The following C11orf65 variants were observed in gnomAD, a reference collection of about 807,000 sequenced individuals.
C11orf65 encodes the protein protein MFI.
In C11orf65, 38 loss-of-function variants were observed where a neutral mutation model predicts 35.3. The ratio of observed to expected loss-of-function variants is 1.08; its 90% CI spans 0.83 to 1.41. The LOEUF is 1.41. Ranked by LOEUF, C11orf65 falls within the 40% of genes most tolerant of loss-of-function variation. The pLI is 0.00. For synonymous variants in C11orf65, 105 were observed against 114.4 expected (o/e 0.92, Z 0.53); for missense variants, 370 against 367.1 (o/e 1.01, Z -0.06).
intron 2 of C11orf65, among the ~76,000 whole-genome samples, chr11:108,459,812 G>A (rs891336518): frequency 6.6e-6 from 1 of 151,078 alleles, no homozygotes; most frequent in Admixed American, 6.6e-5. Context: ...TCCTTCAAGG[G>A]CAAGGATGTA....
At chr11:108,310,601 C>G (rs1177233075) in intron 6 of C11orf65, among the ~76,000 whole-genome samples, 1 of 151,908 alleles carries the variant, frequency 6.6e-6, no homozygotes, top group African/African-American at 2.4e-5. Flanking sequence ...CCATAATAGC[C>G]CTAGCATTGA....
At chr11:108,437,196 A>G (rs1444702438) in intron 2 of C11orf65, among the ~76,000 whole-genome samples, 1 of 151,332 alleles carries the variant, frequency 6.6e-6, no homozygotes, top group Non-Finnish European at 1.5e-5. Flanking sequence ...TTGAGGTAGG[A>G]GGATCACTTG....
At chr11:108,409,164 G>A (rs1001821983) in intron 3 of C11orf65, among the ~76,000 whole-genome samples, 5 of 152,112 alleles carry the variant, frequency 3.3e-5, no homozygotes. Context: ...GTATGTAGTT[G>A]TAGATAGCAG....
intron 6 of C11orf65, among the ~76,000 whole-genome samples, chr11:108,313,766 T>C (rs1189072603): frequency 6.6e-6 from 1 of 152,242 alleles, no homozygotes; most frequent in Admixed American, 6.5e-5. Context: ...TATAGAATTA[T>C]GCCAATATAA....
chr11:108,410,485 CT>C (rs2092634457), intron 3 of C11orf65, among the ~76,000 whole-genome samples: 1 of 152,094 alleles, frequency 6.6e-6, no homozygotes. Flanking sequence ...TTCCAAGTAG[CT>C]GGGACTAAAG....
intron 3 of C11orf65, among the ~76,000 whole-genome samples, chr11:108,422,842 AT>A (rs1329217210): frequency 5.3e-5 from 8 of 151,432 alleles, no homozygotes; most frequent in Non-Finnish European, 1.5e-5. Context: ...AGATCGCACC[AT>A]GGGACTCCAG....
At chr11:108,313,989 A>G (rs944048063) in intron 6 of C11orf65, among the ~76,000 whole-genome samples, 2 of 152,226 alleles carry the variant, frequency 1.3e-5, no homozygotes, top group African/African-American at 4.8e-5. Flanking sequence ...TACTTTATCC[A>G]TATCAAATTT....
At chr11:108,336,723 A>T (rs1320470769) in intron 2 of C11orf65, among the ~76,000 whole-genome samples, 1 of 152,228 alleles carries the variant, frequency 6.6e-6, no homozygotes, top group Non-Finnish European at 1.5e-5. Flanking sequence ...TGCATCTGTA[A>T]TCTGGTACAT....
At position 108,335,224 on chromosome 11, in the gene C11orf65, G is replaced by A. The variant is rs113965980; in HGVS notation, c.296C>T (p.Ser99Leu). 2.5e-6 allele frequency: 4 copies of A among 1,569,218 alleles called. No individual in the cohort carries two copies. The African/African-American group carries it at 5.4e-5, about 21-fold the overall frequency. The change falls in exon 3 of 4, where the codon TCA becomes TTA. Residue 99 changes from serine to leucine, a missense_variant. Physicochemically the swap from Ser to Leu is moderately radical, Grantham distance 145. Transcript: ENST00000524755. Reference sequence around the variant, plus strand: ...GTCTTTATTTTGAATACTTACAAATGAGGAAGATTTGTAGAGTAGAAATGC... The same window carrying A: ...GTCTTTATTTTGAATACTTACAAATAAGGAAGATTTGTAGAGTAGAAATGC...
chr11:108,326,149 G>T (rs1555119899), intron 6 of C11orf65: 1 of 1,613,944 alleles, frequency 6.2e-7, no homozygotes, highest in East Asian at 2.2e-5. Flanking sequence ...CAAGTATTCT[G>T]GGCAAAAAAG....
chr11:108,459,039 T>A (rs1050486361), intron 2 of C11orf65, among the ~76,000 whole-genome samples: 1 of 152,190 alleles, frequency 6.6e-6, no homozygotes, highest in Non-Finnish European at 1.5e-5. Context: ...GTGGGAAAAT[T>A]GCCTGGGGGC....
chr11:108,360,262 T>C lies in C11orf65; in HGVS notation c.227-24970A>G, dbSNP rs1000098120. Among the ~76,000 whole-genome samples the C allele has an allele frequency of 1.0e-3, 108 of 107,824 alleles. 1 individual carries two copies. The highest frequency in any genetic ancestry group is 2.9e-3 in the African/African-American group (102 of 35,054). The allele number at this position is 107,824 out of a possible 152,430, so 70.7% of individuals were successfully genotyped here. Reference sequence around the variant, plus strand: ...CTAAACCAGGAAGAAGTTGAATCTCTGAATAGACCAGTAACAGGAGCTGAA... The same window carrying C: ...CTAAACCAGGAAGAAGTTGAATCTCCGAATAGACCAGTAACAGGAGCTGAA... On this transcript the variant is annotated intron_variant, in intron 2 of 3. Coordinates refer to the C11orf65 transcript ENST00000524755.
At chr11:108,416,406 G>T (rs1365310837) in intron 3 of C11orf65, among the ~76,000 whole-genome samples, 1 of 152,192 alleles carries the variant, frequency 6.6e-6, no homozygotes, top group African/African-American at 2.4e-5. Context: ...GAGGGCCCGG[G>T]CATGGTGGCT....
chr11:108,428,751 T>A (rs1026277840), intron 3 of C11orf65, among the ~76,000 whole-genome samples: 2 of 152,194 alleles, frequency 1.3e-5, no homozygotes, highest in Non-Finnish European at 2.9e-5. Context: ...CCATGGTACA[T>A]GTATACCTAT....
At chr11:108,372,118 T>C (rs2091589879) in intron 2 of C11orf65, among the ~76,000 whole-genome samples, 1 of 152,256 alleles carries the variant, frequency 6.6e-6, no homozygotes, top group African/African-American at 2.4e-5. Flanking sequence ...AAATGTTCCC[T>C]ACTGTAGTGT....
chr11:108,329,221 TAA>T (rs1060501525), downstream of C11orf65: 1 of 1,613,348 alleles, frequency 6.2e-7, no homozygotes, highest in Non-Finnish European at 8.5e-7. Context: ...TTAGGGAACA[TAA>T]AATTCAGACA....
In C11orf65 at chr11:108,405,565, G is replaced by C; in HGVS notation, c.430-6C>G. 3 of 1,609,376 alleles carry C rather than the reference G, an allele frequency of 1.9e-6. No homozygotes were observed. Among genetic ancestry groups the C allele is most frequent in the African/African-American group, 1.3e-5 (1 of 74,738 alleles). Reference sequence around the variant, plus strand: ...CCATCAGTAGATAGCCAAAACTATTGAGAAACAAAAATGAACATACAAAAT... The same window carrying C: ...CCATCAGTAGATAGCCAAAACTATTCAGAAACAAAAATGAACATACAAAAT... On this transcript the variant is annotated splice_polypyrimidine_tract_variant and splice_region_variant and intron_variant, in intron 5 of 8. Coordinates refer to ENST00000393084, the MANE Select transcript of C11orf65 (RefSeq NM_152587.5).
chr11:108,389,055 T>TA (rs1300881270), intron 7 of C11orf65, among the ~76,000 whole-genome samples: 1 of 152,270 alleles, frequency 6.6e-6, no homozygotes, highest in Non-Finnish European at 1.5e-5. Flanking sequence ...TTGTTATCAC[T>TA]AAATATCAGT....
At chr11:108,320,433 G>T (rs1019511713) in intron 6 of C11orf65, among the ~76,000 whole-genome samples, 4 of 152,164 alleles carry the variant, frequency 2.6e-5, no homozygotes, top group Non-Finnish European at 4.4e-5. Context: ...AATGTGATGA[G>T]GCATGAGGAA....
Sources: allele counts gnomAD v4.1 joint callset (sites outside exome capture counted in the v4.1 genomes callset), GRCh38; gene constraint gnomAD v4.1.1; transcripts MANE v1.5; gene names NCBI Gene and HGNC (gene_info 2026-07-23, HGNC 2026-07-21).